The following MYRIP variants were observed in gnomAD, a reference collection of about 807,000 sequenced individuals.
MYRIP encodes the protein myosin VIIA and Rab interacting protein, also known as rab effector MyRIP.
Under a neutral mutation model 98.0 loss-of-function variants are expected in MYRIP, and 49 were observed. The ratio of observed to expected loss-of-function variants is 0.50; its 90% CI spans 0.40 to 0.63. MYRIP has a LOEUF of 0.63. MYRIP is among the 30% of genes least tolerant of loss of function. The pLI is 0.00. For synonymous variants in MYRIP, 404 were observed against 409.5 expected, an observed-to-expected ratio of 0.99 and a Z score of 0.16; for missense variants, 1,004 against 1,058.2, an observed-to-expected ratio of 0.95 and a Z score of 0.71.
chr3:40,089,464 G>A (rs1176260597), intron 3 of MYRIP, among the ~76,000 whole-genome samples: 2 of 152,182 alleles, frequency 1.3e-5, no homozygotes, highest in Non-Finnish European at 2.9e-5. Context: ...CCATCTTTAA[G>A]CTTGGCGGCT....
intron 11 of MYRIP, among the ~76,000 whole-genome samples, chr3:40,211,620 C>A (rs1030995498): frequency 1.3e-5 from 2 of 152,198 alleles, no homozygotes; most frequent in East Asian, 3.8e-4. Context: ...TGCTGCATTA[C>A]AGTCAGATTT....
intron 12 of MYRIP, among the ~76,000 whole-genome samples, chr3:40,237,136 G>A (rs1340528719): frequency 6.6e-6 from 1 of 152,172 alleles, no homozygotes; most frequent in East Asian, 1.9e-4. Flanking sequence ...GGTCAATATG[G>A]TGAGATCCCA....
intron 1 of MYRIP, among the ~76,000 whole-genome samples, chr3:39,811,458 AC>A (rs1164734586): frequency 6.6e-6 from 1 of 152,116 alleles, no homozygotes. Flanking sequence ...AATATCTGGG[AC>A]CCTATTTGCA....
chr3:39,819,164 C>T (rs905212960), intron 1 of MYRIP, among the ~76,000 whole-genome samples: 2 of 152,144 alleles, frequency 1.3e-5, no homozygotes, highest in African/African-American at 4.8e-5. Flanking sequence ...GCCTGACCAA[C>T]ATGGTGAAAC....
intron 11 of MYRIP, among the ~76,000 whole-genome samples, chr3:40,216,555 C>T (rs1952124793): frequency 6.6e-6 from 1 of 152,264 alleles, no homozygotes; most frequent in Admixed American, 6.5e-5. Context: ...GATTCACATA[C>T]CATAACTCAT....
At chr3:40,028,715 C>G (rs755263548) in intron 2 of MYRIP, among the ~76,000 whole-genome samples, 1 of 152,140 alleles carries the variant, frequency 6.6e-6, no homozygotes, top group African/African-American at 2.4e-5. Context: ...CCTGGTCTTT[C>G]CCAAGATATT....
At chr3:40,113,161 TGA>T (rs1949195936) in intron 3 of MYRIP, among the ~76,000 whole-genome samples, 1 of 152,252 alleles carries the variant, frequency 6.6e-6, no homozygotes, top group African/African-American at 2.4e-5. Context: ...GTTTGTTTTC[TGA>T]GATGGAGTTT....
chr3:39,816,972 C>G lies in MYRIP; in HGVS notation c.-31+7056C>G, dbSNP rs75803783. 6.0e-3 allele frequency among the ~76,000 whole-genome samples: 911 copies of G among 152,282 alleles called. 8 individuals are homozygous for G. Among genetic ancestry groups the G allele is most frequent in the African/African-American group, 0.021 (864 of 41,564 alleles). On this transcript the variant is annotated intron_variant, in intron 1 of 16. Transcript: ENST00000302541. ...AAAACATTCATTAATGAATTGCCCA[C>G]TTATATGTAGGTCCCCATTGTGATG...
At chr3:40,124,211 A>T (rs1001427526) in intron 3 of MYRIP, among the ~76,000 whole-genome samples, 2 of 152,146 alleles carry the variant, frequency 1.3e-5, no homozygotes, top group Non-Finnish European at 2.9e-5. Flanking sequence ...CCCCATCCCA[A>T]TGGAAAGACG....
intron 3 of MYRIP, among the ~76,000 whole-genome samples, chr3:40,117,617 C>T (rs529457975): frequency 6.6e-6 from 1 of 152,280 alleles, no homozygotes; most frequent in Admixed American, 6.5e-5. Flanking sequence ...ATCAATACAG[C>T]ATATTGATGT....
rs1317695724 is a variant in MYRIP at position 40,233,917 on chromosome 3, C to A, written c.1964C>A (p.Ala655Asp). The A allele has an allele frequency of 6.2e-7, 1 of 1,613,644 alleles. No individual in the cohort carries two copies. The highest frequency in any genetic ancestry group is 8.5e-7 in the Non-Finnish European group (1 of 1,179,870). The change falls in exon 12 of 17, where the codon GCC (alanine) becomes GAC (aspartate). Residue 655 changes from alanine to aspartate, a missense_variant. Ala to Asp is a moderately radical substitution (Grantham distance 126). Around this residue, in one of 3 missense-constraint regions of MYRIP, gnomAD observed 880 missense variants for 907.7 expected, o/e 0.97. Coordinates refer to ENST00000302541, the MANE Select transcript of MYRIP (RefSeq NM_015460.4). ...ACAGAAGTCCTGAAAGTCATCAATGCCACAGAGGAGTTGATAGCAGGATCT... is the reference window on the plus strand; with the variant it reads ...ACAGAAGTCCTGAAAGTCATCAATGACACAGAGGAGTTGATAGCAGGATCT... Reference protein sequence around the residue: ...ISTEVLKVINATEELIAGSTG... With the variant: ...ISTEVLKVINDTEELIAGSTG...
chr3:40,206,917 C>G (rs1452762435), intron 10 of MYRIP, among the ~76,000 whole-genome samples: 9 of 152,108 alleles, frequency 5.9e-5, no homozygotes, highest in Non-Finnish European at 1.2e-4. Flanking sequence ...CTTTCATTGT[C>G]TGTATATTCA....
At chr3:40,140,623 T>C (rs963690670) in intron 3 of MYRIP, among the ~76,000 whole-genome samples, 1 of 152,218 alleles carries the variant, frequency 6.6e-6, no homozygotes, top group African/African-American at 2.4e-5. Context: ...CATCAGCATT[T>C]GCTATTTTTT....
At chr3:40,226,540 TCAGAATTA>T (rs1282995260) in intron 11 of MYRIP, among the ~76,000 whole-genome samples, 1 of 152,196 alleles carries the variant, frequency 6.6e-6, no homozygotes, top group Non-Finnish European at 1.5e-5. Flanking sequence ...CATGTGGCAG[TCAGAATTA>T]CCTTTCTGAA....
At chr3:39,822,199 TATAC>T (rs1188423104) in intron 1 of MYRIP, among the ~76,000 whole-genome samples, 11 of 152,226 alleles carry the variant, frequency 7.2e-5, no homozygotes, top group Admixed American at 4.6e-4. Flanking sequence ...ATATAATAAT[TATAC>T]ATATTTATGG....
At chr3:40,052,109 C>T (rs1462601548) in intron 3 of MYRIP, among the ~76,000 whole-genome samples, 1 of 152,032 alleles carries the variant, frequency 6.6e-6, no homozygotes, top group African/African-American at 2.4e-5. Context: ...CCCTACTATA[C>T]TATTGAATAC....
intron 3 of MYRIP, among the ~76,000 whole-genome samples, chr3:40,058,090 T>C (rs1309382088): frequency 6.6e-6 from 1 of 152,234 alleles, no homozygotes; most frequent in African/African-American, 2.4e-5. Context: ...TTTATGATTA[T>C]GAAACCATTT....
intron 3 of MYRIP, among the ~76,000 whole-genome samples, chr3:40,094,428 G>T (rs901218426): frequency 6.6e-6 from 1 of 152,176 alleles, no homozygotes; most frequent in African/African-American, 2.4e-5. Flanking sequence ...CCTCAGTCTT[G>T]CCTTTGGCCT....
At chr3:40,234,332 A>G (rs1477217673) in intron 12 of MYRIP, among the ~76,000 whole-genome samples, 1 of 152,228 alleles carries the variant, frequency 6.6e-6, no homozygotes, top group East Asian at 1.9e-4. Flanking sequence ...AAGCAAGGAC[A>G]TGATCTTACA....
Sources: gnomAD v4.1 joint callset for allele counts (sites outside exome capture counted in the v4.1 genomes callset) on GRCh38, gnomAD v4.1.1 for gene constraint, gnomAD v4.1.1 regional missense constraint, MANE v1.5 for transcripts, NCBI Gene and HGNC (gene_info 2026-07-23, HGNC 2026-07-21) for gene names.